Variants in MAPRE3 observed in about 807,000 individuals in gnomAD.
MAPRE3 encodes microtubule-associated protein RP/EB family member 3.
A neutral mutation model predicts 30.5 loss-of-function variants in MAPRE3; 2 were observed. That is an observed-to-expected ratio of 0.07 (90% CI 0.03 to 0.21). The LOEUF is 0.21. Among genes scored for constraint, MAPRE3 ranks in the 10% least tolerant of loss-of-function variants. MAPRE3 has a pLI of 1.00. For synonymous variants in MAPRE3, 110 were observed against 127.7 expected, an observed-to-expected ratio of 0.86 and a Z score of 0.93; for missense variants, 204 against 351.8, an observed-to-expected ratio of 0.58 and a Z score of 3.36.
At chr2:26,975,902 C>T (rs2148195379) in intron 1 of MAPRE3, among the ~76,000 whole-genome samples, 1 of 150,262 alleles carries the variant, frequency 6.7e-6, no homozygotes, top group Non-Finnish European at 1.5e-5. Flanking sequence ...TCCCGGTCAG[C>T]CCAGGGTACT....
At chr2:27,010,805 A>T (rs943274090) in intron 1 of MAPRE3, among the ~76,000 whole-genome samples, 2 of 152,178 alleles carry the variant, frequency 1.3e-5, no homozygotes, top group Admixed American at 1.3e-4. Flanking sequence ...CCCTGCAGGC[A>T]GTCACTCACT....
rs761960934 is a variant in MAPRE3 at position 27,023,570 on chromosome 2, C to T, written c.267+93C>T. 6.1e-5 allele frequency: 91 copies of T among 1,502,126 alleles called. No homozygotes were observed. The African/African-American group carries it at 1.0e-3, about 17-fold the overall frequency. 93.0% of individuals were successfully genotyped at this position (1,502,126 alleles called of 1,614,324 possible). A position where few individuals can be genotyped will look rare whatever the true frequency, so the allele number is the denominator to read the frequency against. On this transcript the variant is annotated intron_variant, in intron 3 of 6. Transcript: ENST00000233121. ...CCCAGGCAACTGGGGCTGCTGGGGT[C>T]ATTCCGGTGCTCGTGCCTCCCTCCA...
intron 1 of MAPRE3, among the ~76,000 whole-genome samples, chr2:27,004,215 CT>C (rs1207324874): frequency 3.3e-5 from 5 of 152,144 alleles, no homozygotes. Context: ...CTGTGGAGTC[CT>C]TTTCACCACC....
In MAPRE3 at chr2:26,986,530, G is replaced by C. The variant is rs567754742; in HGVS notation, c.-8+15728G>C. On this transcript the variant is annotated intron_variant, in intron 1 of 6. Coordinates refer to ENST00000233121, the MANE Select transcript of MAPRE3 (RefSeq NM_012326.4). The surrounding 1 kb of genome is among the most constrained non-coding windows in gnomAD (Gnocchi z 4.2). ...TGTATTACCTGCACAGGTTCTCTCA[G>C]GCAGAAAACATGGAAAGCTACGTCA... 6.6e-6 allele frequency: 1 copy of C among 152,296 alleles called. No individual in the cohort carries two copies. Among genetic ancestry groups the C allele is most frequent in the South Asian group, 2.1e-4 (1 of 4,822 alleles). 9.4% of individuals were successfully genotyped at this position (152,296 alleles called of 1,614,324 possible).
intron 3 of MAPRE3, 103 bp downstream of exon 3, chr2:27,023,580 C>T (rs752161804): frequency 1.4e-6 from 2 of 1,426,356 alleles, no homozygotes; most frequent in Non-Finnish European, 2.0e-6. Context: ...CATTCCGGTG[C>T]TCGTGCCTCC....
chr2:27,020,279 G>A (rs942423455), intron 1 of MAPRE3, among the ~76,000 whole-genome samples: 7 of 152,278 alleles, frequency 4.6e-5, no homozygotes, highest in South Asian at 2.1e-4. Flanking sequence ...AGATGCCTGC[G>A]ACAGGCAGGG....
chr2:27,022,438 GGC>G (rs1667127422), intron 2 of MAPRE3, 99 bp downstream of exon 2: 1 of 1,425,850 alleles, frequency 7.0e-7, no homozygotes, highest in Non-Finnish European at 9.6e-7. Flanking sequence ...AGTCATGCAT[GGC>G]TGAATGACTG....
chr2:27,002,564 G>C (rs1666622966), intron 1 of MAPRE3, among the ~76,000 whole-genome samples: 1 of 152,084 alleles, frequency 6.6e-6, no homozygotes, highest in African/African-American at 2.4e-5. Flanking sequence ...ATGCCCATTA[G>C]TGTGGGTTTA....
In MAPRE3 at chr2:27,026,554, G is replaced by A. The variant is rs1667249648; in HGVS notation, c.*206G>A. On this transcript the variant is annotated 3_prime_UTR_variant, in exon 7 of 7. Transcript: ENST00000233121. The stretch of plus-strand genomic sequence containing the variant: ...CTGGGTGGTGCTGGCCCAGTTGGTG[G>A]GACCCCTGTCCACACCCACCCTATT... 1.9e-6 allele frequency: 1 copy of A among 516,448 alleles called. No homozygotes were observed. Among genetic ancestry groups the A allele is most frequent in the East Asian group, 3.3e-5 (1 of 30,078 alleles). The allele number at this position is 516,448 out of a possible 1,614,324, so 32.0% of individuals were successfully genotyped here.
intron 1 of MAPRE3, among the ~76,000 whole-genome samples, chr2:26,973,322 T>C (rs906380366): frequency 6.6e-6 from 1 of 152,200 alleles, no homozygotes; most frequent in Non-Finnish European, 1.5e-5. Context: ...TAGTCCTTCC[T>C]GCACGCCAGC....
chr2:26,984,142 C>T (rs904309850), intron 1 of MAPRE3, among the ~76,000 whole-genome samples: 43 of 152,176 alleles, frequency 2.8e-4, no homozygotes, highest in Admixed American at 3.9e-4. Flanking sequence ...AAAATCATTA[C>T]GACCTTGCCC....
chr2:27,026,014 C>G lies in MAPRE3; in HGVS notation c.759C>G (p.Gly253=), dbSNP rs746182455. The G allele has an allele frequency of 2.2e-5, 35 of 1,614,104 alleles. No individual in the cohort carries two copies. The highest frequency in any genetic ancestry group is 2.9e-5 in the Non-Finnish European group (34 of 1,180,044). ...GCCCTGTTATCTCAGGCATCATTGG[C>G]ATCCTCTATGCCACAGAGGTGAGCA... ...ENSPVISGII[G]ILYATEEGFA... is the part of the protein sequence containing the mutation. Residue 253 remains glycine (G), a synonymous_variant, in exon 6 of 7, where the codon GGC becomes GGG. Transcript: ENST00000233121.
At chr2:26,971,014 C>T (rs1001106468) in intron 1 of MAPRE3, among the ~76,000 whole-genome samples, 6 of 152,074 alleles carry the variant, frequency 3.9e-5, no homozygotes, top group Non-Finnish European at 2.9e-5. Context: ...CAGCCACTCC[C>T]CCTCCCCTTC....
chr2:26,971,723 GC>G (rs1665919695), intron 1 of MAPRE3, among the ~76,000 whole-genome samples: 1 of 152,036 alleles, frequency 6.6e-6, no homozygotes, highest in Admixed American at 6.5e-5. Context: ...ATATGAAGGG[GC>G]TGTGGCAGGA....
chr2:27,011,856 A>AAG (rs1174744407), intron 1 of MAPRE3: 3 of 149,444 alleles, frequency 2.0e-5, no homozygotes, highest in East Asian at 3.9e-4. Context: ...AAAAAAAAAA[A>AAG]AAAAAAAAGA....
Position 27,015,824 on chromosome 2 carries a change from C to T in MAPRE3, c.-7-6388C>T, listed in dbSNP as rs750924606. Among the ~76,000 whole-genome samples the T allele has an allele frequency of 6.6e-5, 10 of 152,148 alleles. No homozygotes were observed. Among genetic ancestry groups the T allele is most frequent in the African/African-American group, 1.9e-4 (8 of 41,428 alleles). On this transcript the variant is annotated intron_variant, in intron 1 of 6. Coordinates refer to ENST00000233121, the MANE Select transcript of MAPRE3 (RefSeq NM_012326.4). The surrounding 1 kb of genome is among the most constrained non-coding windows in gnomAD (Gnocchi z 4.0). ...GCCTAGATCTAAGTGCAGTCCTAAT[C>T]GCCTGGGAAGGAAGCAGATGGTCTC...
intron 1 of MAPRE3, among the ~76,000 whole-genome samples, chr2:26,975,400 G>A (rs1050323025): frequency 1.3e-5 from 2 of 152,162 alleles, no homozygotes; most frequent in Admixed American, 6.5e-5. Context: ...GGTAAAGGGA[G>A]GTCATTTTGG....
At chr2:27,007,378 G>T (rs1666754508) in intron 1 of MAPRE3, among the ~76,000 whole-genome samples, 1 of 152,210 alleles carries the variant, frequency 6.6e-6, no homozygotes, top group Non-Finnish European at 1.5e-5. Context: ...CATTAGCCCG[G>T]ATTCTTCTTA....
chr2:27,023,375 T>C lies in MAPRE3; in HGVS notation c.165T>C (p.Cys55=), dbSNP rs1319278116. The C allele has an allele frequency of 1.2e-6, 2 of 1,612,744 alleles. No individual in the cohort carries two copies. The highest frequency in any genetic ancestry group is 1.7e-6 in the Non-Finnish European group (2 of 1,178,788). The change falls in exon 3 of 7, where the codon TGT becomes TGC. Residue 55 remains cysteine, a synonymous_variant. Coordinates refer to ENST00000233121, the MANE Select transcript of MAPRE3 (RefSeq NM_012326.4). ...TCATGGACATGCTCTTCCCCGGCTG[T>C]GTGCACTTGAGGAAAGTGAAGTTCC... ...CQFMDMLFPG[C]VHLRKVKFQA...
Sources: gnomAD v4.1 joint callset for allele counts (sites outside exome capture counted in the v4.1 genomes callset) on GRCh38, gnomAD v4.1.1 for gene constraint, Gnocchi (gnomAD v3.1) non-coding constraint, MANE v1.5 for transcripts, NCBI Gene and HGNC (gene_info 2026-07-23, HGNC 2026-07-21) for gene names.